The following YJU2 variants were observed in gnomAD, a reference collection of about 807,000 sequenced individuals.
YJU2 encodes the protein YJU2 splicing factor homolog, also known as splicing factor YJU2.
In YJU2, 28 loss-of-function variants were observed where a neutral mutation model predicts 39.6. The ratio of observed to expected loss-of-function variants is 0.71; its 90% confidence interval spans 0.52 to 0.97. YJU2 has a LOEUF of 0.97. Ranked by LOEUF, YJU2 falls within the 50% of genes least tolerant of loss-of-function variation. The pLI is 0.00. For missense variants in YJU2, 328 were observed against 430.4 expected, an observed-to-expected ratio of 0.76 and a Z score of 2.11; for synonymous variants, 184 against 182.4, an observed-to-expected ratio of 1.01 and a Z score of -0.07.
intron 1 of YJU2, chr19:4,247,423 A>G (rs970588891): frequency 2.3e-5 from 10 of 441,932 alleles, no homozygotes; most frequent in African/African-American, 7.3e-5. Context: ...CTTTTACCCA[A>G]TCACCACCAG....
intron 3 of YJU2, among the ~76,000 whole-genome samples, chr19:4,251,556 C>T (rs759371077): frequency 6.6e-6 from 1 of 151,752 alleles, no homozygotes; most frequent in Non-Finnish European, 1.5e-5. Flanking sequence ...GGCATGGTGG[C>T]GGACTATAAT....
At chr19:4,252,754 G>A (rs967229367) in intron 3 of YJU2, among the ~76,000 whole-genome samples, 7 of 151,810 alleles carry the variant, frequency 4.6e-5, no homozygotes, top group African/African-American at 7.3e-5. Context: ...GTGAGATCCC[G>A]TCAGTACAAA....
At chr19:4,253,008 AC>A (rs59277670) in intron 3 of YJU2, among the ~76,000 whole-genome samples, 60,987 of 151,418 alleles carry the variant, frequency 0.4, 14,105 homozygotes, top group African/African-American at 0.64. Context: ...ATTCTCACCT[AC>A]CCCCTCACCA....
At chr19:4,268,126 G>A (rs1055720523) in intron 7 of YJU2, among the ~76,000 whole-genome samples, 1 of 151,840 alleles carries the variant, frequency 6.6e-6, no homozygotes. Flanking sequence ...TGTATTATTA[G>A]TAGAGGTGGG....
At chr19:4,251,661 G>A (rs1970977724) in intron 3 of YJU2, among the ~76,000 whole-genome samples, 1 of 149,696 alleles carries the variant, frequency 6.7e-6, no homozygotes, top group South Asian at 2.1e-4. Flanking sequence ...CTCCAGTCTG[G>A]GTGACAGAGC....
At chr19:4,264,745 C>G (rs1299226554) in intron 6 of YJU2, among the ~76,000 whole-genome samples, 1 of 152,036 alleles carries the variant, frequency 6.6e-6, no homozygotes, top group Non-Finnish European at 1.5e-5. Flanking sequence ...ACTCGGCCGC[C>G]CAAAGTGCTG....
At chr19:4,247,341 G>A (rs3815343) in intron 1 of YJU2, 171 bp downstream of exon 1, 21 of 586,048 alleles carry the variant, frequency 3.6e-5, no homozygotes, top group African/African-American at 1.2e-4. Flanking sequence ...CCTTCCGTCG[G>A]GGGGGTGGGC....
chr19:4,249,746 G>A (rs1970960727), intron 2 of YJU2, among the ~76,000 whole-genome samples: 1 of 146,204 alleles, frequency 6.8e-6, no homozygotes, highest in Admixed American at 6.9e-5. Flanking sequence ...TTGCCGTGTT[G>A]CCCAGGCTGG....
At chr19:4,264,874 C>T (rs184915902) in intron 6 of YJU2, among the ~76,000 whole-genome samples, 2 of 152,106 alleles carry the variant, frequency 1.3e-5, no homozygotes, top group African/African-American at 2.4e-5. Context: ...GCAGTTCTCC[C>T]GCCAAGGCAC....
intron 1 of YJU2, among the ~76,000 whole-genome samples, chr19:4,248,792 G>A (rs1047059081): frequency 2.0e-5 from 3 of 152,026 alleles, no homozygotes; most frequent in Admixed American, 6.6e-5. Context: ...GGTGGTGGGC[G>A]CCTGTAATCC....
intron 6 of YJU2, among the ~76,000 whole-genome samples, chr19:4,266,620 G>A (rs1971117266): frequency 6.6e-6 from 1 of 152,112 alleles, no homozygotes; most frequent in Non-Finnish European, 1.5e-5. Context: ...GGTGAGCTCC[G>A]TGAGGGCAGA....
chr19:4,254,465 C>A lies in YJU2; in HGVS notation c.381C>A (p.Asp127Glu). The change falls in exon 4 of 8, where the codon GAC (aspartate) becomes GAA (glutamate). Residue 127 changes from aspartate to glutamate, a missense_variant. Physicochemically the swap from Asp to Glu is conservative, Grantham distance 45. Coordinates refer to ENST00000262962, the MANE Select transcript of YJU2 (RefSeq NM_018074.6). ...AGAGGGTGCAGAAGGAGCGGGAGGACGAGGAGCTGAACAACCCCATGAAGG... is the reference window on the plus strand; with the variant it reads ...AGAGGGTGCAGAAGGAGCGGGAGGAAGAGGAGCTGAACAACCCCATGAAGG... ...EEKRVQKERE[D>E]EELNNPMKVL... 1 of 1,606,672 alleles carries A rather than the reference C, an allele frequency of 6.2e-7. No homozygotes were observed. Among genetic ancestry groups the A allele is most frequent in the Non-Finnish European group, 8.5e-7 (1 of 1,176,354 alleles).
intron 3 of YJU2, 108 bp from the exon 4 acceptor site, chr19:4,254,247 T>G (rs151085105): frequency 2.4e-6 from 2 of 820,114 alleles, no homozygotes; most frequent in East Asian, 4.9e-5. Flanking sequence ...GAGAAGGTAG[T>G]AGAACCAGTA....
Position 4,253,357 on chromosome 19 carries a change from G to A in YJU2, c.271-998G>A, listed in dbSNP as rs139044160. Among the ~76,000 whole-genome samples, 593 of 152,262 alleles carry A rather than the reference G, an allele frequency of 3.9e-3. 1 individual carries two copies. Among genetic ancestry groups the A allele is most frequent in the African/African-American group, 0.014 (574 of 41,550 alleles). On this transcript the variant is annotated intron_variant, in intron 3 of 7. Coordinates refer to ENST00000262962, the MANE Select transcript of YJU2 (RefSeq NM_018074.6). ...CTTTGGAGGCCAAAGCAGGAGGATC[G>A]GTTGAGTCCAAGAGTTAGAGACCAG...
chr19:4,264,745 C>T (rs1299226554), intron 6 of YJU2, among the ~76,000 whole-genome samples: 1 of 152,036 alleles, frequency 6.6e-6, no homozygotes, highest in African/African-American at 2.4e-5. Context: ...ACTCGGCCGC[C>T]CAAAGTGCTG....
rs1025353909 is a variant in YJU2, at chr19:4,262,199, T to G, written c.708+85T>G. The G allele has an allele frequency of 8.5e-6, 12 of 1,416,742 alleles. No individual in the cohort carries two copies. In the African/African-American group the frequency reaches 1.7e-4, roughly 20 times the overall value. 87.8% of individuals were successfully genotyped at this position (1,416,742 alleles called of 1,614,324 possible). On this transcript the variant is annotated intron_variant, in intron 6 of 7. Coordinates refer to ENST00000262962, the MANE Select transcript of YJU2 (RefSeq NM_018074.6). ...GGGTCAGCTTGACTTTTTCTTTTGTTTTTTGTTTTTGTTTTTTGAGACGGA... is the reference window on the plus strand; with the variant it reads ...GGGTCAGCTTGACTTTTTCTTTTGTGTTTTGTTTTTGTTTTTTGAGACGGA...
At chr19:4,250,950 C>T (rs367727543) in intron 2 of YJU2, 77 bp from the exon 3 acceptor site, 16 of 1,520,896 alleles carry the variant, frequency 1.1e-5, no homozygotes, top group Admixed American at 5.4e-5. Flanking sequence ...AGTGATCTTG[C>T]AGGATGCCGC....
In YJU2 at chr19:4,254,540, T is replaced by G. The variant is rs10414561; in HGVS notation, c.405+51T>G. On this transcript the variant is annotated intron_variant, in intron 4 of 7. Transcript: ENST00000262962. ...CATGGGCGCTGTGTGTGTGGGTGTGTGTGTGTGCCAATGGTTGTGCCCTTC... is the reference window on the plus strand; with the variant it reads ...CATGGGCGCTGTGTGTGTGGGTGTGGGTGTGTGCCAATGGTTGTGCCCTTC... 6.2e-3 allele frequency: 9,319 copies of G among 1,498,048 alleles called. 507 individuals are homozygous for G. In the African/African-American group the frequency reaches 0.11, roughly 18 times the overall value. 92.8% of individuals were successfully genotyped at this position (1,498,048 alleles called of 1,614,324 possible).
chr19:4,263,387 G>C (rs572100291), intron 6 of YJU2, among the ~76,000 whole-genome samples: 15 of 152,178 alleles, frequency 9.9e-5, no homozygotes, highest in Admixed American at 9.8e-4. Context: ...CGCAGCCTCA[G>C]ATGCGGCCCA....
Sources: allele counts gnomAD v4.1 joint callset (sites outside exome capture counted in the v4.1 genomes callset), GRCh38; gene constraint gnomAD v4.1.1; transcripts MANE v1.5; gene names NCBI Gene and HGNC (gene_info 2026-07-23, HGNC 2026-07-21).